IAH1: variants seen among roughly 807,000 people sequenced by gnomAD.
The protein encoded by IAH1 is isoamyl acetate-hydrolyzing esterase 1 homolog.
In IAH1, 24 loss-of-function variants were observed where a neutral mutation model predicts 26.7. The ratio of observed to expected loss-of-function variants is 0.90; its 90% CI spans 0.65 to 1.26. The LOEUF is 1.26. Among genes scored for constraint, IAH1 ranks in the 50% most tolerant of loss-of-function variants. IAH1 has a pLI of 0.00. For synonymous variants in IAH1, 140 were observed against 118.5 expected, an observed-to-expected ratio of 1.18 and a Z score of -1.18; for missense variants, 300 against 299.9, an observed-to-expected ratio of 1.00 and a Z score of 0.00.
the IAH1 span, chr2:9,505,019 T>C: frequency 2.2e-6 from 2 of 890,382 alleles, no homozygotes; most frequent in Non-Finnish European, 3.4e-6. Context: ...AGCAATTTCT[T>C]GCTGTGAAGG....
intron 1 of IAH1, chr2:9,475,744 G>T: frequency 1.8e-6 from 1 of 554,598 alleles, no homozygotes; most frequent in Non-Finnish European, 3.2e-6. Context: ...CATGTGATCC[G>T]CCCGCCTTGG....
At position 9,474,554 on chromosome 2, in the gene IAH1, G is replaced by T; in HGVS notation, c.-13G>T. On this transcript the variant is annotated 5_prime_UTR_variant, in exon 1 of 6. Coordinates refer to ENST00000497473, the MANE Select transcript of IAH1 (RefSeq NM_001039613.3). This position sits in a 1 kb window ranked among gnomAD's most constrained non-coding sequence, Gnocchi z 4.3. The stretch of plus-strand genomic sequence containing the variant: ...GTGGCTGGCGGCCCCGCCCCGCCCC[G>T]CCCGGCTGCTCCATGGCGCTGTGCG... 1 of 1,008,640 alleles carries T rather than the reference G, an allele frequency of 9.9e-7. No homozygotes were observed. The highest frequency in any genetic ancestry group is 1.4e-6 in the Non-Finnish European group (1 of 704,726). The allele number at this position is 1,008,640 out of a possible 1,614,324, so 62.5% of individuals were successfully genotyped here. A position where few individuals can be genotyped will look rare whatever the true frequency, so the allele number is the denominator to read the frequency against.
chr2:9,490,291 T>C, downstream of IAH1: 1 of 1,614,196 alleles, frequency 6.2e-7, no homozygotes, highest in African/African-American at 1.3e-5. Flanking sequence ...ACTTGGCAGC[T>C]GTGCTGCTAT....
chr2:9,505,052 A>G, the IAH1 span: 15 of 1,191,058 alleles, frequency 1.3e-5, no homozygotes, highest in African/African-American at 2.0e-4. Flanking sequence ...GATGTAAACA[A>G]ACACACTCAC....
the IAH1 span, among the ~76,000 whole-genome samples, chr2:9,510,518 G>C: frequency 1.3e-5 from 2 of 152,156 alleles, no homozygotes; most frequent in Admixed American, 1.3e-4. Context: ...ACAAAAATTA[G>C]CTGGGCATGG....
the IAH1 span, among the ~76,000 whole-genome samples, chr2:9,503,250 G>A: frequency 3.3e-5 from 5 of 151,462 alleles, no homozygotes; most frequent in African/African-American, 7.3e-5. Flanking sequence ...TATTTACAGC[G>A]TTAATATGCA....
chr2:9,502,996 C>T, the IAH1 span, among the ~76,000 whole-genome samples: 1 of 150,876 alleles, frequency 6.6e-6, no homozygotes, highest in African/African-American at 2.4e-5. Flanking sequence ...AAAAATTAGC[C>T]GGGCATGGTG....
At chr2:9,490,692 C>G (rs1315137711), downstream of IAH1, among the ~76,000 whole-genome samples, 4 of 152,038 alleles carry the variant, frequency 2.6e-5, no homozygotes, top group Non-Finnish European at 5.9e-5. Context: ...TAGGTTGGTG[C>G]AAAAGTAATT....
chr2:9,480,602 G>A (rs1051733012), intron 3 of IAH1, among the ~76,000 whole-genome samples: 1 of 152,104 alleles, frequency 6.6e-6, no homozygotes, highest in East Asian at 1.9e-4. Flanking sequence ...TGAAAAGACC[G>A]GAAAGATATA....
the IAH1 span, among the ~76,000 whole-genome samples, chr2:9,501,642 C>T: frequency 1.3e-5 from 2 of 152,194 alleles, no homozygotes; most frequent in African/African-American, 4.8e-5. Context: ...ACCCTTCTAA[C>T]TTGTATCCTG....
rs77857049 is a variant in IAH1, at chr2:9,481,193, C to T, written c.284-93C>T. 9.9e-3 allele frequency: 13,356 copies of T among 1,345,080 alleles called. 104 individuals are homozygous for T. Among genetic ancestry groups the T allele is most frequent in the Non-Finnish European group, 0.012 (11,737 of 958,540 alleles). 83.3% of individuals were successfully genotyped at this position (1,345,080 alleles called of 1,614,324 possible). On this transcript the variant is annotated intron_variant, in intron 3 of 5. Transcript: ENST00000497473. ...TGTTAAACAATCCCCCCAGTGACAT[C>T]ATGAATAACAGGCATTTGCAGAAGT...
chr2:9,493,352 T>C (rs957758621), downstream of IAH1, among the ~76,000 whole-genome samples: 2 of 152,206 alleles, frequency 1.3e-5, no homozygotes, highest in African/African-American at 2.4e-5. Context: ...CAACATGATA[T>C]ACCCTGCTTC....
downstream of IAH1, chr2:9,497,328 C>T: frequency 6.4e-7 from 1 of 1,561,516 alleles, no homozygotes; most frequent in South Asian, 1.2e-5. Flanking sequence ...CGCTGTTTCT[C>T]ATACAAGTGA....
intron 2 of IAH1, among the ~76,000 whole-genome samples, chr2:9,477,832 A>G (rs1264858839): frequency 2.0e-5 from 3 of 152,348 alleles, no homozygotes; most frequent in East Asian, 3.8e-4. Context: ...GTTTAAATAT[A>G]AACCAAACTA....
At chr2:9,509,490 A>G in the IAH1 span, among the ~76,000 whole-genome samples, 1 of 152,192 alleles carries the variant, frequency 6.6e-6, no homozygotes, top group African/African-American at 2.4e-5. Flanking sequence ...CTGGAGATAG[A>G]GCTATGAATA....
downstream of IAH1, chr2:9,490,115 AT>A (rs3833563): frequency 0.55 from 785,065 of 1,423,458 alleles, 224,718 homozygotes; most frequent in Middle Eastern, 0.65. Flanking sequence ...GCTGTGATTG[AT>A]TTGTAGGTCA....
intron 4 of IAH1, among the ~76,000 whole-genome samples, chr2:9,482,470 C>T (rs1661243245): frequency 6.6e-6 from 1 of 152,202 alleles, no homozygotes; most frequent in Non-Finnish European, 1.5e-5. Context: ...ATTTTCAGCA[C>T]TCCAGATGTT....
At position 9,476,047 on chromosome 2, in the gene IAH1, T is replaced by C. The variant is rs758276114; in HGVS notation, c.134+8T>C. On this transcript the variant is annotated splice_region_variant and intron_variant, in intron 2 of 5. Transcript: ENST00000497473. Reference sequence around the variant, plus strand: ...GGCTGACAGGCTGGTCAGGTGAGAATGGTTTCCGATACTTGAGTTCTTATG... The same window carrying C: ...GGCTGACAGGCTGGTCAGGTGAGAACGGTTTCCGATACTTGAGTTCTTATG... 1.9e-6 allele frequency: 3 copies of C among 1,610,914 alleles called. No individual in the cohort carries two copies. The South Asian group carries it at 3.3e-5, about 18-fold the overall frequency.
chr2:9,497,802 G>A (rs1260150592), downstream of IAH1, among the ~76,000 whole-genome samples: 1 of 152,082 alleles, frequency 6.6e-6, no homozygotes, highest in Admixed American at 6.6e-5. Flanking sequence ...ATATCCCTGA[G>A]GATGCTAAGT....
Sources: gnomAD v4.1 joint callset for allele counts (sites outside exome capture counted in the v4.1 genomes callset) on GRCh38, gnomAD v4.1.1 for gene constraint, Gnocchi (gnomAD v3.1) non-coding constraint, MANE v1.5 for transcripts, NCBI Gene and HGNC (gene_info 2026-07-23, HGNC 2026-07-21) for gene names.